CHM: variants seen among roughly 807,000 people sequenced by gnomAD.
CHM encodes the protein rab proteins geranylgeranyltransferase component A 1.
CHM carries 10 observed loss-of-function variants against 49.0 expected under a neutral mutation model. That is an observed-to-expected ratio of 0.20 (90% CI 0.13 to 0.35). CHM has a LOEUF of 0.35. CHM is among the 10% of genes least tolerant of loss of function. The pLI is 1.00. For synonymous variants in CHM, 184 were observed against 167.5 expected (o/e 1.10, Z -0.76); for missense variants, 455 against 478.4 (o/e 0.95, Z 0.46).
intron 12 of CHM, among the ~76,000 whole-genome samples, chrX:85,887,378 C>T (rs761617128): frequency 8.9e-6 from 1 of 111,784 alleles, no homozygotes; most frequent in African/African-American, 3.3e-5. Flanking sequence ...TGACTTGCTC[C>T]TTGATTCCCA....
chrX:86,031,265 C>T (rs1398184164), intron 1 of CHM, among the ~76,000 whole-genome samples: 1 of 111,248 alleles, frequency 9.0e-6, no homozygotes, highest in Non-Finnish European at 1.9e-5. Context: ...ATCATTGTAC[C>T]TATAGTAAAC....
intron 2 of CHM, among the ~76,000 whole-genome samples, chrX:86,001,276 G>T (rs775935090): frequency 2.7e-5 from 3 of 110,350 alleles, no homozygotes; most frequent in Non-Finnish European, 5.7e-5. Flanking sequence ...TTTACATTTT[G>T]TTCATAACAA....
chrX:86,033,005 TA>T (rs777545566), intron 1 of CHM, among the ~76,000 whole-genome samples: 2 of 111,735 alleles, frequency 1.8e-5, no homozygotes, highest in Non-Finnish European at 3.8e-5. Flanking sequence ...ATGAAGGAGC[TA>T]GGCTAAAATC....
rs200318878 is a variant in CHM, at chrX:85,949,978, AATATATATATATATAT to A, written c.1166+6159_1166+6174del. Among the ~76,000 whole-genome samples the A allele has an allele frequency of 0.025, 1,054 of 42,794 alleles. 60 individuals are homozygous for A. In the South Asian group the frequency reaches 0.31, roughly 13 times the overall value. 37.2% of individuals were successfully genotyped at this position (42,794 alleles called of 115,157 possible). A position where few individuals can be genotyped will look rare whatever the true frequency, so the allele number is the denominator to read the frequency against. On this transcript the variant is annotated intron_variant, in intron 8 of 14. Coordinates refer to ENST00000357749, the MANE Select transcript of CHM (RefSeq NM_000390.4). ...CTTTGAGCAATAAACACTGAAATTA[AATATATATATATATAT>A]ATATATATATATATATCTTGTAATG...
chrX:85,983,248 C>T (rs945926590), intron 2 of CHM, among the ~76,000 whole-genome samples: 8 of 110,722 alleles, frequency 7.2e-5, no homozygotes, highest in African/African-American at 2.0e-4. Context: ...AATTCATGCA[C>T]TGTCCAGAAT....
chrX:85,969,307 T>G (rs1930755724), intron 4 of CHM: 1 of 739,619 alleles, frequency 1.4e-6, no homozygotes, highest in Non-Finnish European at 1.6e-6. Context: ...ACTAGATGAC[T>G]TTATGCAATT....
intron 8 of CHM, among the ~76,000 whole-genome samples, chrX:85,927,298 T>C (rs960642249): frequency 8.9e-6 from 1 of 111,862 alleles, no homozygotes; most frequent in African/African-American, 3.3e-5. Flanking sequence ...CTGAAACTTG[T>C]AGTTAGTATC....
At chrX:85,959,439 T>G (rs944578355) in intron 5 of CHM, among the ~76,000 whole-genome samples, 9 of 111,160 alleles carry the variant, frequency 8.1e-5, no homozygotes, top group Admixed American at 2.9e-4. Context: ...GATAAGAATC[T>G]ATAGTCTTAC....
intron 9 of CHM, among the ~76,000 whole-genome samples, chrX:85,902,031 C>A (rs1413608172): frequency 8.9e-6 from 1 of 111,816 alleles, no homozygotes; most frequent in Non-Finnish European, 1.9e-5. Flanking sequence ...AATGGACTTA[C>A]CAGCATTGAC....
chrX:86,045,115 C>G (rs989053020), intron 1 of CHM, among the ~76,000 whole-genome samples: 32 of 111,851 alleles, frequency 2.9e-4, no homozygotes, highest in African/African-American at 1.0e-3. Context: ...AGGACTAAAT[C>G]TGCTAAAAAG....
At chrX:85,872,658 T>C (rs2148119994) in intron 14 of CHM, among the ~76,000 whole-genome samples, 1 of 112,482 alleles carries the variant, frequency 8.9e-6, no homozygotes, top group African/African-American at 3.2e-5. Context: ...TACAACCTTC[T>C]TGACTGTTTA....
intron 12 of CHM, among the ~76,000 whole-genome samples, chrX:85,891,274 A>C (rs769898882): frequency 8.9e-6 from 1 of 112,336 alleles, no homozygotes; most frequent in South Asian, 3.7e-4. Flanking sequence ...AATTTGCATA[A>C]GTAGCAAGGA....
intron 1 of CHM, among the ~76,000 whole-genome samples, chrX:86,038,246 CAA>C (rs764204542): frequency 8.9e-6 from 1 of 111,761 alleles, no homozygotes; most frequent in Non-Finnish European, 1.9e-5. Context: ...AGGCAGAACT[CAA>C]AGTCATTCCT....
intron 4 of CHM, among the ~76,000 whole-genome samples, chrX:85,976,484 T>C (rs1003315666): frequency 3.1e-4 from 34 of 110,028 alleles, no homozygotes; most frequent in Admixed American, 6.8e-4. Context: ...TAGCCGGGTG[T>C]GGTGGCAGGC....
At chrX:86,028,798 C>A (rs748307757) in intron 1 of CHM, among the ~76,000 whole-genome samples, 2 of 111,240 alleles carry the variant, frequency 1.8e-5, no homozygotes, top group African/African-American at 3.3e-5. Context: ...AGTGCTACTA[C>A]GAACTCCTTC....
At chrX:85,918,581 C>A (rs917191039) in intron 8 of CHM, among the ~76,000 whole-genome samples, 1 of 111,367 alleles carries the variant, frequency 9.0e-6, no homozygotes, top group African/African-American at 3.3e-5. Context: ...ACAAGATAAA[C>A]GTCCCACTTA....
At chrX:85,975,424 TAAAC>T (rs1296716862) in intron 4 of CHM, among the ~76,000 whole-genome samples, 7 of 111,996 alleles carry the variant, frequency 6.3e-5, no homozygotes, top group African/African-American at 9.7e-5. Context: ...GGTGAATGAT[TAAAC>T]AAACTGTGGT....
At chrX:86,037,617 A>C (rs1018836962) in intron 1 of CHM, among the ~76,000 whole-genome samples, 1 of 111,521 alleles carries the variant, frequency 9.0e-6, no homozygotes, top group Admixed American at 9.5e-5. Flanking sequence ...TTACTCATAA[A>C]ACTGTGAGTC....
At chrX:86,011,770 A>G (rs1933082608) in intron 2 of CHM, among the ~76,000 whole-genome samples, 1 of 111,662 alleles carries the variant, frequency 9.0e-6, no homozygotes, top group African/African-American at 3.3e-5. Flanking sequence ...TAAAATGGGG[A>G]GGCAAAAAAT....
Sources: allele counts gnomAD v4.1 joint callset (sites outside exome capture counted in the v4.1 genomes callset), GRCh38; gene constraint gnomAD v4.1.1; transcripts MANE v1.5; gene names NCBI Gene and HGNC (gene_info 2026-07-23, HGNC 2026-07-21).